ZIC2: variants seen among roughly 807,000 people sequenced by gnomAD.
ZIC2 encodes the protein zinc finger protein ZIC 2.
Under a neutral mutation model 29.5 loss-of-function variants are expected in ZIC2, and 7 were observed. The observed-to-expected ratio is 0.24, with a 90% CI of 0.14 to 0.45. ZIC2 has a LOEUF of 0.45. Among genes scored for constraint, ZIC2 ranks in the 20% least tolerant of loss-of-function variants. The pLI, the probability that ZIC2 is intolerant of heterozygous loss-of-function variation, is 1.00. For synonymous variants in ZIC2, 408 were observed against 354.2 expected (o/e 1.15, Z -1.70); for missense variants, 589 against 781.2 (o/e 0.75, Z 2.93).
Position 99,986,686 on chromosome 13 carries a change from GT to G in ZIC2, c.*1008del, listed in dbSNP as rs2053272145. On this transcript the variant is annotated 3_prime_UTR_variant, in exon 3 of 3. Transcript: ENST00000376335. Reference sequence around the variant, plus strand: ...ACTGTTTCAGATTTTTTATTTGAAGGTTTTAAGTGGTTTGATCATTTCTTGT... The same window carrying G: ...ACTGTTTCAGATTTTTTATTTGAAGGTTTAAGTGGTTTGATCATTTCTTGT... 3 of 152,652 alleles carry G rather than the reference GT, an allele frequency of 2.0e-5. No individual in the cohort carries two copies. The highest frequency in any genetic ancestry group is 7.2e-5 in the African/African-American group (3 of 41,446). 9.5% of individuals were successfully genotyped at this position (152,652 alleles called of 1,614,324 possible).
Position 99,986,493 on chromosome 13 carries a change from A to G in ZIC2, c.*811A>G, listed in dbSNP as rs898852127. The G allele has an allele frequency of 6.5e-6, 1 of 153,820 alleles. No individual in the cohort carries two copies. Among genetic ancestry groups the G allele is most frequent in the Non-Finnish European group, 1.5e-5 (1 of 68,828 alleles). 9.5% of individuals were successfully genotyped at this position (153,820 alleles called of 1,614,324 possible). A position where few individuals can be genotyped will look rare whatever the true frequency, so the allele number is the denominator to read the frequency against. On this transcript the variant is annotated 3_prime_UTR_variant, in exon 3 of 3. Coordinates refer to ENST00000376335, the MANE Select transcript of ZIC2 (RefSeq NM_007129.5). ...CTGTATGAAAGATTGTGGGGGAAAA[A>G]TAAACGTCGTGCCGTTAGCTTTTTC...
At position 99,981,949 on chromosome 13, in the gene ZIC2, C is replaced by T; in HGVS notation, c.-116C>T. 1.7e-6 allele frequency: 2 copies of T among 1,171,318 alleles called. No individual in the cohort carries two copies. The highest frequency in any genetic ancestry group is 2.1e-6 in the Non-Finnish European group (2 of 951,180). The allele number at this position is 1,171,318 out of a possible 1,614,324, so 72.6% of individuals were successfully genotyped here. On this transcript the variant is annotated 5_prime_UTR_variant, in exon 1 of 3. Transcript: ENST00000376335. ...GCTCCCAGGGCTGAAGTGGCCGCCA[C>T]CACCGCCGCCTGCGCCTGGAGCCCG...
In ZIC2 at chr13:99,986,114, G is replaced by T. The variant is rs1051540435; in HGVS notation, c.*432G>T. The T allele has an allele frequency of 8.4e-5, 38 of 450,822 alleles. No individual in the cohort carries two copies. The highest frequency in any genetic ancestry group is 6.0e-4 in the African/African-American group (30 of 49,816). The allele number at this position is 450,822 out of a possible 1,614,324, so 27.9% of individuals were successfully genotyped here. ...GAAGTTTGTCCATTTGTAAAACTCCGGATTGCGTTCCTCCCCGCCTTCCGC... is the reference window on the plus strand; with the variant it reads ...GAAGTTTGTCCATTTGTAAAACTCCTGATTGCGTTCCTCCCCGCCTTCCGC... On this transcript the variant is annotated 3_prime_UTR_variant, in exon 3 of 3. Coordinates refer to ENST00000376335, the MANE Select transcript of ZIC2 (RefSeq NM_007129.5).
At position 99,985,749 on chromosome 13, in the gene ZIC2, G is replaced by A. The variant is rs2053264875; in HGVS notation, c.*67G>A. The A allele has an allele frequency of 1.1e-6, 1 of 947,168 alleles. No homozygotes were observed. Among genetic ancestry groups the A allele is most frequent in the South Asian group, 2.0e-5 (1 of 49,812 alleles). The allele number at this position is 947,168 out of a possible 1,614,324, so 58.7% of individuals were successfully genotyped here. ...GCAGCAGCCCTCCCCGCAGCTAGCAGCGAGGGCACCTTGTGATCATGTTGT... is the reference window on the plus strand; with the variant it reads ...GCAGCAGCCCTCCCCGCAGCTAGCAACGAGGGCACCTTGTGATCATGTTGT... On this transcript the variant is annotated 3_prime_UTR_variant, in exon 3 of 3. Coordinates refer to ENST00000376335, the MANE Select transcript of ZIC2 (RefSeq NM_007129.5). This position sits in a 1 kb window ranked among gnomAD's most constrained non-coding sequence, Gnocchi z 6.3.
Position 99,982,841 on chromosome 13 carries a change from G to C in ZIC2, c.777G>C (p.Lys259Asn), listed in dbSNP as rs2152162678. The C allele has an allele frequency of 6.2e-7, 1 of 1,613,244 alleles. No individual in the cohort carries two copies. The highest frequency in any genetic ancestry group is 8.5e-7 in the Non-Finnish European group (1 of 1,179,986). ...GCATCAAGCAGGAGCTAATCTGCAA[G>C]TGGATCGACCCCGAGCAACTGAGCA... is the stretch of plus-strand genomic sequence containing the variant. The part of the protein sequence containing the change: ...QQCIKQELIC[K>N]WIDPEQLSNP... The change falls in exon 1 of 3, where the codon AAG (lysine) becomes AAC (asparagine). Residue 259 changes from lysine (K) to asparagine (N), a missense_variant. Lys to Asn is a moderately conservative substitution (Grantham distance 94). This residue lies in a region of ZIC2 where 27 missense variants were observed against 47.5 expected (regional missense o/e 0.57). Transcript: ENST00000376335.
At chr13:99,984,486 C>T (rs1594291618) in intron 1 of ZIC2, 2 of 244,182 alleles carry the variant, frequency 8.2e-6, no homozygotes, top group East Asian at 2.1e-4. Context: ...CTCCACAGCC[C>T]GGCCCCCAAA....
At chr13:99,984,149 G>A (rs943317314) in intron 1 of ZIC2, 1 of 152,286 alleles carries the variant, frequency 6.6e-6, no homozygotes, top group South Asian at 2.1e-4. Context: ...AACAATTTAG[G>A]TGCTAATGGA....
rs1444001027 is a variant in ZIC2 at position 99,985,451 on chromosome 13, G to GGCGGCGGCAGCGGCGGCGGCGGCT, written c.1377_1400dup (p.Ala463_Ala470dup). ...AGAGCAGCTCCAACCTGTCCCCAGC[G>GGCGGCGGCAGCGGCGGCGGCGGCT]GCGGCGGCAGCGGCGGCGGCGGCTG... On this transcript the variant is annotated inframe_insertion, in exon 3 of 3. Coordinates refer to ENST00000376335, the MANE Select transcript of ZIC2 (RefSeq NM_007129.5). The surrounding 1 kb of genome is among the most constrained non-coding windows in gnomAD (Gnocchi z 6.3). 1 of 1,408,658 alleles carries GGCGGCGGCAGCGGCGGCGGCGGCT rather than the reference G, an allele frequency of 7.1e-7. No individual in the cohort carries two copies. Among genetic ancestry groups the GGCGGCGGCAGCGGCGGCGGCGGCT allele is most frequent in the Non-Finnish European group, 9.2e-7 (1 of 1,089,466 alleles). The allele number at this position is 1,408,658 out of a possible 1,614,324, so 87.3% of individuals were successfully genotyped here.
chr13:99,985,432 G>T lies in ZIC2; in HGVS notation c.1349G>T (p.Ser450Ile), dbSNP rs1233729253. The T allele has an allele frequency of 1.3e-6, 2 of 1,547,566 alleles. No homozygotes were observed. The highest frequency in any genetic ancestry group is 1.7e-6 in the Non-Finnish European group (2 of 1,156,278). Residue 450 changes from serine to isoleucine, a missense_variant, in exon 3 of 3, where the codon AGC becomes ATC. Around this residue, in one of 7 missense-constraint regions of ZIC2, gnomAD observed 135 missense variants for 136.7 expected, o/e 0.99. Coordinates refer to ENST00000376335, the MANE Select transcript of ZIC2 (RefSeq NM_007129.5). The surrounding 1 kb of genome is among the most constrained non-coding windows in gnomAD (Gnocchi z 6.3). ...TCCCCCAGCGCCGAGCCCCAGAGCA[G>T]CTCCAACCTGTCCCCAGCGGCGGCG... The part of the protein sequence containing the change: ...LVSPSAEPQS[S>I]SNLSPAAAAA...
Position 99,985,129 on chromosome 13 carries a change from G to GA in ZIC2, c.1239+21dup. On this transcript the variant is annotated intron_variant, in intron 2 of 2. Transcript: ENST00000376335. The surrounding 1 kb of genome is among the most constrained non-coding windows in gnomAD (Gnocchi z 6.3). Reference sequence around the variant, plus strand: ...ATGAAGGTACCACCGCGGCGGCCGGGAGGAGGGCGAGGCAGGCCGAGGCGC... The same window carrying GA: ...ATGAAGGTACCACCGCGGCGGCCGGGAAGGAGGGCGAGGCAGGCCGAGGCGC... 6.2e-7 allele frequency: 1 copy of GA among 1,613,878 alleles called. No homozygotes were observed. The highest frequency in any genetic ancestry group is 8.5e-7 in the Non-Finnish European group (1 of 1,179,838).
At position 99,985,304 on chromosome 13, in the gene ZIC2, C is replaced by T. The variant is rs1427165671; in HGVS notation, c.1240-19C>T. On this transcript the variant is annotated intron_variant, in intron 2 of 2. Transcript: ENST00000376335. The surrounding 1 kb of genome is among the most constrained non-coding windows in gnomAD (Gnocchi z 6.3). ...CACCCAGTCCCCTCTGGTCCCCCCT[C>T]CCGGCTTTTGTCTTGCAGGTCCATG... is the stretch of plus-strand genomic sequence containing the variant. The T allele has an allele frequency of 9.4e-6, 15 of 1,598,932 alleles. No individual in the cohort carries two copies. Among genetic ancestry groups the T allele is most frequent in the East Asian group, 2.2e-5 (1 of 44,834 alleles).
In ZIC2 at chr13:99,985,727, G is replaced by A; in HGVS notation, c.*45G>A. 2 of 1,195,490 alleles carry A rather than the reference G, an allele frequency of 1.7e-6. No individual in the cohort carries two copies. The highest frequency in any genetic ancestry group is 2.7e-5 in the Admixed American group (1 of 36,890). 74.1% of individuals were successfully genotyped at this position (1,195,490 alleles called of 1,614,324 possible). A position where few individuals can be genotyped will look rare whatever the true frequency, so the allele number is the denominator to read the frequency against. On this transcript the variant is annotated 3_prime_UTR_variant, in exon 3 of 3. Coordinates refer to ENST00000376335, the MANE Select transcript of ZIC2 (RefSeq NM_007129.5). The surrounding 1 kb of genome is among the most constrained non-coding windows in gnomAD (Gnocchi z 6.3). The stretch of plus-strand genomic sequence containing the variant: ...CTCTCCCTGTCCCCACCCCAGCGCA[G>A]CAGCCCTCCCCGCAGCTAGCAGCGA...
rs1191986187 is a variant in ZIC2, at chr13:99,982,285, G to A, written c.221G>A (p.Ser74Asn). The change falls in exon 1 of 3, where the codon AGC (serine) becomes AAC (asparagine). Residue 74 changes from serine to asparagine, a missense_variant. This residue lies in a region of ZIC2 where 358 missense variants were observed against 382.0 expected (regional missense o/e 0.94). Transcript: ENST00000376335. ...GCGCACGAGCTGTCCCCGGGCCAGA[G>A]CTCGGCGTTCACGTCGCAGGGCCCC... ...PGAHELSPGQ[S>N]SAFTSQGPGA... 2 of 1,491,736 alleles carry A rather than the reference G, an allele frequency of 1.3e-6. No homozygotes were observed. The highest frequency in any genetic ancestry group is 2.9e-5 in the East Asian group (1 of 34,802). 92.4% of individuals were successfully genotyped at this position (1,491,736 alleles called of 1,614,324 possible). A position where few individuals can be genotyped will look rare whatever the true frequency, so the allele number is the denominator to read the frequency against.
Position 99,982,009 on chromosome 13 carries a change from G to C in ZIC2, c.-56G>C. 8.3e-7 allele frequency: 1 copy of C among 1,211,726 alleles called. No individual in the cohort carries two copies. Among genetic ancestry groups the C allele is most frequent in the Non-Finnish European group, 1.0e-6 (1 of 976,642 alleles). The allele number at this position is 1,211,726 out of a possible 1,614,324, so 75.1% of individuals were successfully genotyped here. The stretch of plus-strand genomic sequence containing the variant: ...GGACGCACCGCGCGGATCGGGAGCG[G>C]GAGTCGAGGCGGCGCGGAGGCGCAG... On this transcript the variant is annotated 5_prime_UTR_variant, in exon 1 of 3. Transcript: ENST00000376335.
In ZIC2 at chr13:99,982,476, C is replaced by T. The variant is rs1338478767; in HGVS notation, c.412C>T (p.Leu138=). The T allele has an allele frequency of 1.4e-6, 2 of 1,456,894 alleles. No homozygotes were observed. Among genetic ancestry groups the T allele is most frequent in the African/African-American group, 1.5e-5 (1 of 67,238 alleles). 90.2% of individuals were successfully genotyped at this position (1,456,894 alleles called of 1,614,324 possible). ...GGCGCCGGGCGGCGGGCAGCACGGG[C>T]TGTTCGGGCCGGGCGCGGGCGGCCT... ...DSAPGGGQHG[L]FGPGAGGLHH... The change falls in exon 1 of 3, where the codon CTG becomes TTG. Residue 138 remains leucine, a synonymous_variant. Coordinates refer to ENST00000376335, the MANE Select transcript of ZIC2 (RefSeq NM_007129.5).
At chr13:99,984,890 G>T in intron 1 of ZIC2, 56 bp from the exon 2 acceptor site, 4 of 1,612,224 alleles carry the variant, frequency 2.5e-6, no homozygotes, top group Non-Finnish European at 3.4e-6. Flanking sequence ...CAGCCTGAGT[G>T]GGGGCTCTGC....
Position 99,982,504 on chromosome 13 carries a change from A to T in ZIC2, c.440A>T (p.His147Leu). 1 of 1,507,606 alleles carries T rather than the reference A, an allele frequency of 6.6e-7. No individual in the cohort carries two copies. The highest frequency in any genetic ancestry group is 8.9e-7 in the Non-Finnish European group (1 of 1,128,734). 93.4% of individuals were successfully genotyped at this position (1,507,606 alleles called of 1,614,324 possible). The change falls in exon 1 of 3, where the codon CAC becomes CTC. Residue 147 changes from histidine to leucine, a missense_variant. Coordinates refer to ENST00000376335, the MANE Select transcript of ZIC2 (RefSeq NM_007129.5). ...GLFGPGAGGLHHAHSDAQGHL... is the reference protein window; with the variant it reads ...GLFGPGAGGLLHAHSDAQGHL... ...TTCGGGCCGGGCGCGGGCGGCCTGC[A>T]CCACGCGCACTCGGACGCGCAGGGC...
At position 99,986,038 on chromosome 13, in the gene ZIC2, C is replaced by T. The variant is rs2053267939; in HGVS notation, c.*356C>T. 1 of 456,002 alleles carries T rather than the reference C, an allele frequency of 2.2e-6. No individual in the cohort carries two copies. The highest frequency in any genetic ancestry group is 4.4e-6 in the Non-Finnish European group (1 of 226,916). The allele number at this position is 456,002 out of a possible 1,614,324, so 28.2% of individuals were successfully genotyped here. ...GTCTTCTGACAAACTGTGTACATAG[C>T]GGACTCCTCCTTTCTCCTCCGAGGT... On this transcript the variant is annotated 3_prime_UTR_variant, in exon 3 of 3. Coordinates refer to ENST00000376335, the MANE Select transcript of ZIC2 (RefSeq NM_007129.5).
chr13:99,983,720 G>A lies in ZIC2; in HGVS notation c.1075+581G>A, dbSNP rs1040820179. 6.6e-6 allele frequency among the ~76,000 whole-genome samples: 1 copy of A among 152,142 alleles called. No individual in the cohort carries two copies. Among genetic ancestry groups the A allele is most frequent in the African/African-American group, 2.4e-5 (1 of 41,412 alleles). Reference sequence around the variant, plus strand: ...GTCGCGGGGGCTTTACTGTGGTTTCGCAGCAGTTTGTGAAATTCTCTAATG... The same window carrying A: ...GTCGCGGGGGCTTTACTGTGGTTTCACAGCAGTTTGTGAAATTCTCTAATG... On this transcript the variant is annotated intron_variant, in intron 1 of 2. Coordinates refer to ENST00000376335, the MANE Select transcript of ZIC2 (RefSeq NM_007129.5). This position sits in a 1 kb window ranked among gnomAD's most constrained non-coding sequence, Gnocchi z 4.7.
Sources: gnomAD v4.1 joint callset for allele counts (sites outside exome capture counted in the v4.1 genomes callset) on GRCh38, gnomAD v4.1.1 for gene constraint, gnomAD v4.1.1 regional missense constraint, Gnocchi (gnomAD v3.1) non-coding constraint, MANE v1.5 for transcripts, NCBI Gene and HGNC (gene_info 2026-07-23, HGNC 2026-07-21) for gene names.